Variants in SKIC3 observed in about 807,000 individuals in gnomAD.
The protein encoded by SKIC3 is SKI3 subunit of superkiller complex.
the SKIC3 span, chr5:95,536,808 A>T: frequency 6.2e-7 from 1 of 1,602,416 alleles, no homozygotes; most frequent in Non-Finnish European, 8.5e-7. Flanking sequence ...ATAATAAGGA[A>T]GAAATTACCT....
chr5:95,502,381 T>C, the SKIC3 span, among the ~76,000 whole-genome samples: 1 of 152,214 alleles, frequency 6.6e-6, no homozygotes, highest in East Asian at 1.9e-4. Flanking sequence ...TGAAGTTAAA[T>C]AGTATTATAT....
chr5:95,549,617 G>A, the SKIC3 span, among the ~76,000 whole-genome samples: 225 of 151,916 alleles, frequency 1.5e-3, no homozygotes, highest in African/African-American at 5.3e-3. Context: ...AACACAATAC[G>A]CTAGCACTGA....
At chr5:95,487,879 T>C in the SKIC3 span, among the ~76,000 whole-genome samples, 5 of 152,066 alleles carry the variant, frequency 3.3e-5, no homozygotes, top group East Asian at 5.8e-4. Context: ...ATTCAAAATA[T>C]TGATAATAAA....
the SKIC3 span, chr5:95,484,955 T>C: frequency 8.3e-7 from 1 of 1,210,102 alleles, no homozygotes; most frequent in Non-Finnish European, 1.2e-6. Flanking sequence ...CATACACAGT[T>C]TTTCAAAGTT....
At chr5:95,480,917 T>C in the SKIC3 span, among the ~76,000 whole-genome samples, 1 of 151,744 alleles carries the variant, frequency 6.6e-6, no homozygotes, top group African/African-American at 2.4e-5. Flanking sequence ...AAAAACTAAA[T>C]AGAGGTCAGA....
At chr5:95,490,216 A>C in the SKIC3 span, among the ~76,000 whole-genome samples, 1 of 152,014 alleles carries the variant, frequency 6.6e-6, no homozygotes, top group Non-Finnish European at 1.5e-5. Flanking sequence ...TGCTGGTTTC[A>C]GTAAAGGACT....
the SKIC3 span, chr5:95,541,358 C>T: frequency 1.1e-5 from 17 of 1,613,716 alleles, no homozygotes; most frequent in Non-Finnish European, 1.4e-5. Flanking sequence ...TTGCAGACAT[C>T]ACACCACTTC....
At chr5:95,543,172 A>G in the SKIC3 span, 3 of 1,613,410 alleles carry the variant, frequency 1.9e-6, no homozygotes, top group Admixed American at 5.0e-5. Flanking sequence ...GAAAAAAAAA[A>G]TTTCTACATA....
chr5:95,506,859 A>ATAT, the SKIC3 span: 1 of 1,406,034 alleles, frequency 7.1e-7, no homozygotes, highest in Non-Finnish European at 1.0e-6. Flanking sequence ...ACTAGTCAGC[A>ATAT]TATCAGCAGT....
At chr5:95,527,788 C>T in the SKIC3 span, among the ~76,000 whole-genome samples, 5 of 152,038 alleles carry the variant, frequency 3.3e-5, no homozygotes, top group Non-Finnish European at 5.9e-5. Flanking sequence ...CTAGAACTAA[C>T]GAAATAGTCT....
At chr5:95,477,685 A>G in the SKIC3 span, among the ~76,000 whole-genome samples, 1 of 152,202 alleles carries the variant, frequency 6.6e-6, no homozygotes, top group Non-Finnish European at 1.5e-5. Context: ...CTTTAAGCAT[A>G]TGCACAAACA....
the SKIC3 span, among the ~76,000 whole-genome samples, chr5:95,505,428 T>C: frequency 8.3e-4 from 126 of 152,304 alleles, 1 homozygote; most frequent in Non-Finnish European, 1.4e-3. Context: ...AACACTATCT[T>C]CTAAGATGTG....
At chr5:95,517,241 T>C in the SKIC3 span, 1 of 1,613,410 alleles carries the variant, frequency 6.2e-7, no homozygotes, top group Non-Finnish European at 8.5e-7. Flanking sequence ...TCACTTTAGA[T>C]GGTGCGACAG....
chr5:95,537,217 C>T, the SKIC3 span: 1 of 1,254,322 alleles, frequency 8.0e-7, no homozygotes, highest in Admixed American at 1.8e-5. Context: ...CTCTCTTACA[C>T]AAACTACACG....
chr5:95,468,718 C>T, the SKIC3 span, among the ~76,000 whole-genome samples: 3 of 152,064 alleles, frequency 2.0e-5, no homozygotes, highest in South Asian at 2.1e-4. Flanking sequence ...AGAGGGATCA[C>T]GTAGTAAGCA....
the SKIC3 span, among the ~76,000 whole-genome samples, chr5:95,531,732 T>G: frequency 0.81 from 122,965 of 152,028 alleles, 50,052 homozygotes; most frequent in East Asian, 0.89. Context: ...CTGGTCCAGA[T>G]ATCATACTTA....
At chr5:95,490,972 C>A in the SKIC3 span, 2 of 1,614,086 alleles carry the variant, frequency 1.2e-6, no homozygotes, top group East Asian at 2.2e-5. Context: ...GAGTGTTGTT[C>A]ACTAAGGCCA....
the SKIC3 span, chr5:95,514,750 G>C: frequency 8.5e-7 from 1 of 1,170,984 alleles, no homozygotes. Context: ...CTGGCACAAA[G>C]TAAGCCCTCA....
At chr5:95,475,761 G>C in the SKIC3 span, among the ~76,000 whole-genome samples, 575 of 152,308 alleles carry the variant, frequency 3.8e-3, 4 homozygotes, top group South Asian at 7.3e-3. Context: ...TCTTGCACTT[G>C]GTTTCACAGG....
Sources: allele counts gnomAD v4.1 joint callset (sites outside exome capture counted in the v4.1 genomes callset), GRCh38; gene constraint gnomAD v4.1.1; transcripts MANE v1.5; gene names NCBI Gene and HGNC (gene_info 2026-07-23, HGNC 2026-07-21).